The following PGM2L1 variants were observed in gnomAD, a reference collection of about 807,000 sequenced individuals.
PGM2L1 encodes glucose 1,6-bisphosphate synthase.
Under a neutral mutation model 73.4 loss-of-function variants are expected in PGM2L1, and 35 were observed. The observed-to-expected ratio is 0.48, with a 90% CI of 0.36 to 0.63. The LOEUF (loss-of-function observed/expected upper bound fraction) is 0.63, where lower values mean the gene tolerates loss of function less well. Ranked by LOEUF, PGM2L1 falls within the 30% of genes least tolerant of loss-of-function variation. PGM2L1 has a pLI of 0.00. For synonymous variants in PGM2L1, 225 were observed against 253.8 expected (o/e 0.89, Z 1.08); for missense variants, 570 against 742.0 (o/e 0.77, Z 2.69).
intron 5 of PGM2L1, among the ~76,000 whole-genome samples, chr11:74,366,418 A>T (rs1402728572): frequency 6.6e-6 from 1 of 150,400 alleles, no homozygotes; most frequent in Non-Finnish European, 1.5e-5. Flanking sequence ...TGATCATACC[A>T]CTGTACTCCA....
At chr11:74,377,258 C>T (rs961138772) in intron 1 of PGM2L1, among the ~76,000 whole-genome samples, 1 of 151,966 alleles carries the variant, frequency 6.6e-6, no homozygotes, top group African/African-American at 2.4e-5. Flanking sequence ...CCTCAGCCTC[C>T]CGAGTAGCTG....
chr11:74,363,031 A>G (rs4381395), intron 5 of PGM2L1, among the ~76,000 whole-genome samples: 4,234 of 152,220 alleles, frequency 0.028, 187 homozygotes, highest in African/African-American at 0.095. Flanking sequence ...AAATTATAAC[A>G]AACTGTCTCT....
rs1363286377 is a variant in PGM2L1 at position 74,347,136 on chromosome 11, T to G, written c.939+12A>C. 1.1e-5 allele frequency: 17 copies of G among 1,519,330 alleles called. No homozygotes were observed. Among genetic ancestry groups the G allele is most frequent in the Non-Finnish European group, 1.4e-5 (16 of 1,133,348 alleles). The allele number at this position is 1,519,330 out of a possible 1,614,324, so 94.1% of individuals were successfully genotyped here. ...AATAAACTAATAATAATTTAAATATTTAAAAAAATACCAGCACAGATTCTC... is the reference window on the plus strand; with the variant it reads ...AATAAACTAATAATAATTTAAATATGTAAAAAAATACCAGCACAGATTCTC... On this transcript the variant is annotated intron_variant, in intron 7 of 13. Coordinates refer to ENST00000298198, the MANE Select transcript of PGM2L1 (RefSeq NM_173582.6).
chr11:74,392,853 G>C (rs1162266290), intron 1 of PGM2L1, among the ~76,000 whole-genome samples: 1 of 152,194 alleles, frequency 6.6e-6, no homozygotes, highest in Non-Finnish European at 1.5e-5. Flanking sequence ...CAATAAAACA[G>C]TTTTAATGAG....
chr11:74,379,957 A>C (rs1210468069), intron 1 of PGM2L1, among the ~76,000 whole-genome samples: 1 of 152,124 alleles, frequency 6.6e-6, no homozygotes, highest in Admixed American at 6.5e-5. Context: ...ATATTGTTAC[A>C]CATCTAAAGG....
chr11:74,343,064 T>C, intron 10 of PGM2L1, 50 bp from the exon 11 acceptor site: 2 of 1,534,684 alleles, frequency 1.3e-6, no homozygotes, highest in Non-Finnish European at 1.8e-6. Context: ...AAGGCTATAA[T>C]TTCAATAGTT....
intron 7 of PGM2L1, 33 bp from the exon 8 acceptor site, chr11:74,346,862 T>A: frequency 6.7e-7 from 1 of 1,500,494 alleles, no homozygotes; most frequent in Non-Finnish European, 9.3e-7. Flanking sequence ...TGGATTGTAC[T>A]GAAGAACCTA....
chr11:74,373,560 G>A (rs1862808025), intron 2 of PGM2L1, among the ~76,000 whole-genome samples: 1 of 152,198 alleles, frequency 6.6e-6, no homozygotes, highest in Admixed American at 6.5e-5. Context: ...ACTGCAAAGA[G>A]AAGCAATTTG....
chr11:74,398,223 G>T lies in PGM2L1; in HGVS notation c.-62C>A. The T allele has an allele frequency of 6.5e-7, 1 of 1,543,650 alleles. No homozygotes were observed. The highest frequency in any genetic ancestry group is 8.7e-7 in the Non-Finnish European group (1 of 1,144,152). On this transcript the variant is annotated 5_prime_UTR_variant, in exon 1 of 14. Transcript: ENST00000298198. ...AGACACTGAGTTGGGGTGGGGGGTG[G>T]CTTGGGGTTCGCTCACCAGGGTCCA...
At chr11:74,381,833 A>T (rs558615837) in intron 1 of PGM2L1, among the ~76,000 whole-genome samples, 1 of 151,892 alleles carries the variant, frequency 6.6e-6, no homozygotes, top group Non-Finnish European at 1.5e-5. Flanking sequence ...GAGTAGAGAG[A>T]TAATGAGTTC....
chr11:74,360,613 G>A (rs1325570126), intron 5 of PGM2L1, among the ~76,000 whole-genome samples: 2 of 152,108 alleles, frequency 1.3e-5, no homozygotes, highest in Non-Finnish European at 1.5e-5. Flanking sequence ...GTGACACATC[G>A]CCTCACCCAG....
In PGM2L1 at chr11:74,330,355, T is replaced by C. The variant is rs1250902519; in HGVS notation, c.*6297A>G. 6.5e-6 allele frequency: 1 copy of C among 152,674 alleles called. No individual in the cohort carries two copies. Among genetic ancestry groups the C allele is most frequent in the Non-Finnish European group, 1.5e-5 (1 of 68,048 alleles). 9.5% of individuals were successfully genotyped at this position (152,674 alleles called of 1,614,324 possible). The stretch of plus-strand genomic sequence containing the variant: ...TGTTTATTACTGATAACACTTCATT[T>C]GGCTAAAACCACAAGAAATCCACAC... On this transcript the variant is annotated 3_prime_UTR_variant, in exon 14 of 14. Transcript: ENST00000298198.
chr11:74,368,709 T>C (rs536029580), intron 4 of PGM2L1, 134 bp from the exon 5 acceptor site: 1 of 598,840 alleles, frequency 1.7e-6, no homozygotes, highest in East Asian at 2.9e-5. Flanking sequence ...CTCTTTATTT[T>C]CTATTTACTT....
chr11:74,370,581 C>A (rs750711987), intron 4 of PGM2L1, among the ~76,000 whole-genome samples: 45 of 151,924 alleles, frequency 3.0e-4, no homozygotes, highest in Admixed American at 2.0e-4. Context: ...ACACACACAC[C>A]CAGATCAAGC....
chr11:74,351,498 G>A lies in PGM2L1; in HGVS notation c.634C>T (p.Pro212Ser). 1 of 1,613,706 alleles carries A rather than the reference G, an allele frequency of 6.2e-7. No homozygotes were observed. The highest frequency in any genetic ancestry group is 1.7e-4 in the Middle Eastern group (1 of 5,970). Residue 212 changes from proline (P) to serine (S), a missense_variant, in exon 6 of 14, where the codon CCC becomes TCC. Pro to Ser is a moderately conservative substitution (Grantham distance 74). Transcript: ENST00000298198. ...ILKCIEECVE[P>S]WNGSWNDNLV... ...TTATCATTCCAGGAACCATTCCAGG[G>A]TTCCACACATTCTTCTATACATTTT...
At chr11:74,375,052 AG>A (rs1307217301) in intron 1 of PGM2L1, among the ~76,000 whole-genome samples, 1 of 152,218 alleles carries the variant, frequency 6.6e-6, no homozygotes, top group Non-Finnish European at 1.5e-5. Context: ...AGAGAAATAG[AG>A]ACACTACTGG....
chr11:74,350,971 C>T (rs989275490), intron 6 of PGM2L1, among the ~76,000 whole-genome samples: 1 of 152,110 alleles, frequency 6.6e-6, no homozygotes, highest in Non-Finnish European at 1.5e-5. Context: ...TAGCTTCCAG[C>T]CCCCAACCCT....
rs1356705675 is a variant in PGM2L1, at chr11:74,398,122, G to A, written c.40C>T (p.Leu14Phe). Residue 14 changes from leucine to phenylalanine, a missense_variant, in exon 1 of 14, where the codon CTC (leucine) becomes TTC (phenylalanine). Leu to Phe is a conservative substitution (Grantham distance 22). Coordinates refer to ENST00000298198, the MANE Select transcript of PGM2L1 (RefSeq NM_173582.6). ...TCCCCGGTGTGGTAGGGGGCGTGGAGCAGGTTGGAGTTCAGATCCCCCTCT... is the reference window on the plus strand; with the variant it reads ...TCCCCGGTGTGGTAGGGGGCGTGGAACAGGTTGGAGTTCAGATCCCCCTCT... ...NTEGDLNSNL[L>F]HAPYHTGDPQ... 2 of 1,613,106 alleles carry A rather than the reference G, an allele frequency of 1.2e-6. No homozygotes were observed. The highest frequency in any genetic ancestry group is 1.7e-6 in the Non-Finnish European group (2 of 1,179,504).
intron 2 of PGM2L1, among the ~76,000 whole-genome samples, chr11:74,373,704 A>C (rs1209086160): frequency 6.6e-6 from 1 of 152,210 alleles, no homozygotes; most frequent in Non-Finnish European, 1.5e-5. Flanking sequence ...TTTTCAACTA[A>C]ATTTTCCAAA....
Sources: allele counts gnomAD v4.1 joint callset (sites outside exome capture counted in the v4.1 genomes callset), GRCh38; gene constraint gnomAD v4.1.1; transcripts MANE v1.5; gene names NCBI Gene and HGNC (gene_info 2026-07-23, HGNC 2026-07-21).